OTUB1: variants seen among roughly 807,000 people sequenced by gnomAD.
OTUB1 encodes OTU deubiquitinase, ubiquitin aldehyde binding 1, also known as ubiquitin thioesterase OTUB1.
In OTUB1, 10 loss-of-function variants were observed where a neutral mutation model predicts 35.8. The observed-to-expected ratio is 0.28, with a 90% CI of 0.17 to 0.47. The LOEUF (loss-of-function observed/expected upper bound fraction) is 0.47. Among genes scored for constraint, OTUB1 ranks in the 20% least tolerant of loss-of-function variants. The probability of loss-of-function intolerance (pLI) is 0.99; values close to 1 mark genes in which losing one functional copy is unlikely to be tolerated. For synonymous variants in OTUB1, 158 were observed against 143.8 expected, an observed-to-expected ratio of 1.10 and a Z score of -0.71; for missense variants, 264 against 351.6, an observed-to-expected ratio of 0.75 and a Z score of 1.99.
In OTUB1 at chr11:63,997,723, C is replaced by T; in HGVS notation, c.*177C>T. 1 of 710,048 alleles carries T rather than the reference C, an allele frequency of 1.4e-6. No individual in the cohort carries two copies. The highest frequency in any genetic ancestry group is 2.5e-6 in the Non-Finnish European group (1 of 392,248). 44.0% of individuals were successfully genotyped at this position (710,048 alleles called of 1,614,324 possible). A position where few individuals can be genotyped will look rare whatever the true frequency, so the allele number is the denominator to read the frequency against. On this transcript the variant is annotated 3_prime_UTR_variant, in exon 7 of 7. Coordinates refer to ENST00000538426, the MANE Select transcript of OTUB1 (RefSeq NM_017670.3). The stretch of plus-strand genomic sequence containing the variant: ...GGTGAGCCGTGTGTGCGTGTCCCTG[C>T]TCTGCTGCCCGCCTGGCTGCTCTGT...
intron 3 of OTUB1, 104 bp from the exon 4 acceptor site, chr11:63,996,426 C>A: frequency 7.8e-7 from 1 of 1,289,042 alleles, no homozygotes; most frequent in Admixed American, 2.1e-5. Flanking sequence ...CTGCTGGGAG[C>A]TCAGTTGCCA....
In OTUB1 at chr11:63,986,517, A is replaced by G. The variant is rs112614407; in HGVS notation, c.58+3A>G. 1 of 1,549,768 alleles carries G rather than the reference A, an allele frequency of 6.5e-7. No homozygotes were observed. Among genetic ancestry groups the G allele is most frequent in the Middle Eastern group, 2.1e-4 (1 of 4,814 alleles). ...GCCGCTGGGCAGCGACTCCGAAGGT[A>G]CAGATCCAAGGAGGGATGTCCGGCC... On this transcript the variant is annotated splice_donor_region_variant and intron_variant, in intron 1 of 6. Coordinates refer to ENST00000538426, the MANE Select transcript of OTUB1 (RefSeq NM_017670.3).
intron 1 of OTUB1, 79 bp downstream of exon 1, chr11:63,986,593 G>T: frequency 7.5e-7 from 1 of 1,342,214 alleles, no homozygotes; most frequent in Non-Finnish European, 1.0e-6. Context: ...AGGGAGGGGA[G>T]GCAGGGCCGC....
Position 63,997,833 on chromosome 11 carries a change from C to T in OTUB1, c.*287C>T, listed in dbSNP as rs967370411. ...CCCCAACAGGAGCAGGTTTGAGGGG[C>T]CAGGCCTCTTGGAGGCCCCTCCTGC... On this transcript the variant is annotated 3_prime_UTR_variant, in exon 7 of 7. Transcript: ENST00000538426. The T allele has an allele frequency of 6.8e-5, 47 of 691,274 alleles. No individual in the cohort carries two copies. Among genetic ancestry groups the T allele is most frequent in the Non-Finnish European group, 1.2e-4 (44 of 379,022 alleles). 42.8% of individuals were successfully genotyped at this position (691,274 alleles called of 1,614,324 possible). A position where few individuals can be genotyped will look rare whatever the true frequency, so the allele number is the denominator to read the frequency against.
rs375265756 is a variant in OTUB1, at chr11:63,988,644, C to T, written c.121-10C>T. 7 of 1,597,112 alleles carry T rather than the reference C, an allele frequency of 4.4e-6. No homozygotes were observed. Among genetic ancestry groups the T allele is most frequent in the Non-Finnish European group, 6.0e-6 (7 of 1,164,904 alleles). ...CCTGCTAGGACATGACAGATCCCTG[C>T]CTCCTCCAGATTGCTGTGCAGAACC... On this transcript the variant is annotated splice_polypyrimidine_tract_variant and intron_variant, in intron 2 of 6. Transcript: ENST00000538426.
At chr11:63,997,013 C>A (rs1234335703) in intron 5 of OTUB1, 37 bp from the exon 6 acceptor site, 1 of 1,612,266 alleles carries the variant, frequency 6.2e-7, no homozygotes, top group Admixed American at 1.7e-5. Flanking sequence ...CCCATCTCCT[C>A]CCCGTCATCT....
intron 3 of OTUB1, among the ~76,000 whole-genome samples, chr11:63,995,930 C>G (rs1215188663): frequency 6.6e-6 from 1 of 152,030 alleles, no homozygotes; most frequent in African/African-American, 2.4e-5. Flanking sequence ...TCGTTTGAAC[C>G]CGGGAGGTGT....
chr11:63,990,005 A>ACT (rs1420588135), intron 3 of OTUB1: 2 of 124,538 alleles, frequency 1.6e-5, no homozygotes, highest in East Asian at 4.2e-4. Context: ...ACAGAGTGAG[A>ACT]CTCCGTCTCA....
chr11:63,997,980 G>A lies in OTUB1; in HGVS notation c.*434G>A. The A allele has an allele frequency of 1.7e-6, 1 of 573,448 alleles. No individual in the cohort carries two copies. Among genetic ancestry groups the A allele is most frequent in the South Asian group, 2.1e-5 (1 of 47,934 alleles). 35.5% of individuals were successfully genotyped at this position (573,448 alleles called of 1,614,324 possible). A position where few individuals can be genotyped will look rare whatever the true frequency, so the allele number is the denominator to read the frequency against. ...CCCACACTTCATCTGCTCCCTCATA[G>A]GCCCCACCTCCACGTCCCGGCTGGG... On this transcript the variant is annotated 3_prime_UTR_variant, in exon 7 of 7. Coordinates refer to ENST00000538426, the MANE Select transcript of OTUB1 (RefSeq NM_017670.3).
chr11:63,996,476 C>G, intron 3 of OTUB1, 54 bp from the exon 4 acceptor site: 1 of 1,584,510 alleles, frequency 6.3e-7, no homozygotes, highest in South Asian at 1.1e-5. Context: ...ATTTCCTTGG[C>G]CAGCCCCCGT....
chr11:63,996,948 C>T lies in OTUB1; in HGVS notation c.423+7C>T. On this transcript the variant is annotated splice_region_variant and intron_variant, in intron 5 of 6. Coordinates refer to ENST00000538426, the MANE Select transcript of OTUB1 (RefSeq NM_017670.3). ...TGAGGATTTCCACAACACGGTGAGC[C>T]CTGGTGCCTGTCTTGGGCTGGGCCA... The T allele has an allele frequency of 6.2e-7, 1 of 1,613,968 alleles. No individual in the cohort carries two copies.
At position 63,986,493 on chromosome 11, in the gene OTUB1, C is replaced by T; in HGVS notation, c.37C>T (p.Pro13Ser). The change falls in exon 1 of 7, where the codon CCG (proline) becomes TCG (serine). Residue 13 changes from proline to serine, a missense_variant. Pro to Ser is a moderately conservative substitution (Grantham distance 74). Transcript: ENST00000538426. Reference protein sequence around the residue: ...AEEPQQQKQEPLGSDSEGVNC... With the variant: ...AEEPQQQKQESLGSDSEGVNC... ...GGAACCTCAGCAGCAGAAGCAGGAG[C>T]CGCTGGGCAGCGACTCCGAAGGTAC... The T allele has an allele frequency of 6.4e-7, 1 of 1,553,290 alleles. No individual in the cohort carries two copies. The highest frequency in any genetic ancestry group is 8.7e-7 in the Non-Finnish European group (1 of 1,148,780).
chr11:63,997,681 T>C lies in OTUB1; in HGVS notation c.*135T>C, dbSNP rs1257998174. 1.3e-6 allele frequency: 1 copy of C among 761,460 alleles called. No homozygotes were observed. Among genetic ancestry groups the C allele is most frequent in the South Asian group, 1.4e-5 (1 of 69,176 alleles). The allele number at this position is 761,460 out of a possible 1,614,324, so 47.2% of individuals were successfully genotyped here. A position where few individuals can be genotyped will look rare whatever the true frequency, so the allele number is the denominator to read the frequency against. On this transcript the variant is annotated 3_prime_UTR_variant, in exon 7 of 7. Coordinates refer to ENST00000538426, the MANE Select transcript of OTUB1 (RefSeq NM_017670.3). ...TCACATGACCCCCCCCCATGTTTTA[T>C]TAAAGGGGGTGCTGGTGGTGAGCCG...
At position 63,997,591 on chromosome 11, in the gene OTUB1, G is replaced by T; in HGVS notation, c.*45G>T. ...CTGCCCTGCTGCCCCCCTCTGCCAGGCGCTAGACATGTACAGAGGTTTTTC... is the reference window on the plus strand; with the variant it reads ...CTGCCCTGCTGCCCCCCTCTGCCAGTCGCTAGACATGTACAGAGGTTTTTC... On this transcript the variant is annotated 3_prime_UTR_variant, in exon 7 of 7. Transcript: ENST00000538426. 6.5e-7 allele frequency: 1 copy of T among 1,548,404 alleles called. No individual in the cohort carries two copies.
Position 63,997,960 on chromosome 11 carries a change from A to G in OTUB1, c.*414A>G. 2 of 589,444 alleles carry G rather than the reference A, an allele frequency of 3.4e-6. No individual in the cohort carries two copies. The highest frequency in any genetic ancestry group is 6.0e-6 in the Non-Finnish European group (2 of 331,010). The allele number at this position is 589,444 out of a possible 1,614,324, so 36.5% of individuals were successfully genotyped here. On this transcript the variant is annotated 3_prime_UTR_variant, in exon 7 of 7. Coordinates refer to ENST00000538426, the MANE Select transcript of OTUB1 (RefSeq NM_017670.3). ...TGCCCAGGGTCCCAGGGCCACCCAC[A>G]CTTCATCTGCTCCCTCATAGGCCCC... is the stretch of plus-strand genomic sequence containing the variant.
intron 1 of OTUB1, among the ~76,000 whole-genome samples, chr11:63,987,784 C>G (rs1019367652): frequency 2.0e-5 from 3 of 152,310 alleles, no homozygotes; most frequent in East Asian, 3.9e-4. Flanking sequence ...CTCCTCCAGG[C>G]CAGGACTCTG....
Position 63,988,324 on chromosome 11 carries a change from T to G in OTUB1, c.59-13T>G. ...GGACCCCCTGTAATCTTTGGCTTTT[T>G]TCCTTTTCCCAGGTGTTAACTGTCT... On this transcript the variant is annotated splice_polypyrimidine_tract_variant and intron_variant, in intron 1 of 6. Transcript: ENST00000538426. 1 of 1,551,906 alleles carries G rather than the reference T, an allele frequency of 6.4e-7. No individual in the cohort carries two copies.
rs35556442 is a variant in OTUB1, at chr11:63,997,663, AC to A, written c.*126del. ...TTCACCCCCTTCTTCCTGTCACATGACCCCCCCCCATGTTTTATTAAAGGGG... is the reference window on the plus strand; with the variant it reads ...TTCACCCCCTTCTTCCTGTCACATGACCCCCCCCATGTTTTATTAAAGGGG... On this transcript the variant is annotated 3_prime_UTR_variant, in exon 7 of 7. Coordinates refer to ENST00000538426, the MANE Select transcript of OTUB1 (RefSeq NM_017670.3). The A allele has an allele frequency of 4.0e-3, 3,117 of 782,948 alleles. 42 individuals carry two copies. In the East Asian group the frequency reaches 0.045, roughly 11 times the overall value. 48.5% of individuals were successfully genotyped at this position (782,948 alleles called of 1,614,324 possible).
intron 3 of OTUB1, among the ~76,000 whole-genome samples, chr11:63,991,723 G>A (rs557853036): frequency 4.6e-5 from 7 of 152,340 alleles, no homozygotes; most frequent in African/African-American, 1.7e-4. Context: ...GTTCTTTGTG[G>A]TCCTGGTGTG....
Sources: allele counts gnomAD v4.1 joint callset (sites outside exome capture counted in the v4.1 genomes callset), GRCh38; gene constraint gnomAD v4.1.1; transcripts MANE v1.5; gene names NCBI Gene and HGNC (gene_info 2026-07-23, HGNC 2026-07-21).